The following PDILT variants were observed in gnomAD, a reference collection of about 807,000 sequenced individuals.
The protein encoded by PDILT is protein disulfide-isomerase-like protein of the testis.
A neutral mutation model predicts 53.7 loss-of-function variants in PDILT; 43 were observed. The ratio of observed to expected loss-of-function variants is 0.80; its 90% CI spans 0.63 to 1.03. The LOEUF (loss-of-function observed/expected upper bound fraction) is 1.03. Ranked by LOEUF, PDILT falls within the 50% of genes least tolerant of loss-of-function variation. PDILT has a pLI of 0.00. For synonymous variants in PDILT, 282 were observed against 274.2 expected (o/e 1.03, Z -0.28); for missense variants, 727 against 712.3 (o/e 1.02, Z -0.24).
intron 2 of PDILT, among the ~76,000 whole-genome samples, chr16:20,392,540 G>A (rs1290255864): frequency 6.6e-6 from 1 of 152,182 alleles, no homozygotes; most frequent in Non-Finnish European, 1.5e-5. Flanking sequence ...AGCTTTCATA[G>A]TGCTTTCCCC....
At chr16:20,396,318 C>A (rs1849385264) in intron 2 of PDILT, among the ~76,000 whole-genome samples, 2 of 152,200 alleles carry the variant, frequency 1.3e-5, no homozygotes, top group South Asian at 2.1e-4. Flanking sequence ...TTACACCAAA[C>A]CTTGATGTTG....
intron 3 of PDILT, among the ~76,000 whole-genome samples, chr16:20,380,055 A>C (rs1596589096): frequency 6.6e-6 from 1 of 152,204 alleles, no homozygotes; most frequent in Non-Finnish European, 1.5e-5. Flanking sequence ...AATATCCAAA[A>C]ACAAAACCTG....
At chr16:20,374,355 A>T (rs1007731436) in intron 5 of PDILT, among the ~76,000 whole-genome samples, 2 of 151,978 alleles carry the variant, frequency 1.3e-5, no homozygotes, top group Non-Finnish European at 2.9e-5. Context: ...GTTTAACTGG[A>T]TGGGAGAGGT....
Position 20,369,646 on chromosome 16 carries a change from C to A in PDILT, c.962G>T (p.Arg321Leu), listed in dbSNP as rs144503743. Reference sequence around the variant, plus strand: ...TGTGACCCGGAAGTACTTGAAGACACGTCCATTTCTGGGTTCGTCTGCATC... The same window carrying A: ...TGTGACCCGGAAGTACTTGAAGACAAGTCCATTTCTGGGTTCGTCTGCATC... ...LVDADEPRNG[R>L]VFKYFRVTEV... is the part of the protein sequence containing the mutation. Residue 321 changes from arginine (R) to leucine (L), a missense_variant, in exon 8 of 12, where the codon CGT becomes CTT. Coordinates refer to ENST00000302451, the MANE Select transcript of PDILT (RefSeq NM_174924.2). The A allele has an allele frequency of 6.2e-7, 1 of 1,614,080 alleles. No homozygotes were observed. The highest frequency in any genetic ancestry group is 1.7e-5 in the Admixed American group (1 of 60,002).
chr16:20,389,079 T>C (rs1211289025), intron 2 of PDILT, among the ~76,000 whole-genome samples: 1 of 152,190 alleles, frequency 6.6e-6, no homozygotes, highest in African/African-American at 2.4e-5. Context: ...ACAATTCACG[T>C]GTATATTGGC....
intron 10 of PDILT, among the ~76,000 whole-genome samples, 164 bp from the exon 11 acceptor site, chr16:20,360,821 G>C (rs1343441547): frequency 6.6e-6 from 1 of 152,192 alleles, no homozygotes; most frequent in Non-Finnish European, 1.5e-5. Flanking sequence ...CCAAGGGAAG[G>C]ATAATAAAAA....
rs372282174 is a variant in PDILT, at chr16:20,373,146, T to C, written c.682-24A>G. The C allele has an allele frequency of 2.2e-5, 34 of 1,577,232 alleles. No individual in the cohort carries two copies. The Middle Eastern group carries it at 6.7e-4, about 31-fold the overall frequency. On this transcript the variant is annotated intron_variant, in intron 5 of 11. Transcript: ENST00000302451. ...CCCTTGTACAAAAGGAGAAACATATTGGAGGACAGTAGCTTTCATGATATA... is the reference window on the plus strand; with the variant it reads ...CCCTTGTACAAAAGGAGAAACATATCGGAGGACAGTAGCTTTCATGATATA...
chr16:20,394,060 A>G (rs1966635137), intron 2 of PDILT, among the ~76,000 whole-genome samples: 2 of 152,142 alleles, frequency 1.3e-5, no homozygotes, highest in Non-Finnish European at 1.5e-5. Flanking sequence ...GTGAAAAAGG[A>G]GCCAGAGAGA....
rs751010728 is a variant in PDILT, at chr16:20,369,708, C to T, written c.919-19G>A. 3.7e-6 allele frequency: 6 copies of T among 1,612,682 alleles called. No individual in the cohort carries two copies. Among genetic ancestry groups the T allele is most frequent in the African/African-American group, 1.3e-5 (1 of 74,872 alleles). On this transcript the variant is annotated intron_variant, in intron 7 of 11. Coordinates refer to ENST00000302451, the MANE Select transcript of PDILT (RefSeq NM_174924.2). Reference sequence around the variant, plus strand: ...AAAGGATCTGCCAAAGAAAACAAAACCCTTGTCTCTCTGGATCCTTTGCCA... The same window carrying T: ...AAAGGATCTGCCAAAGAAAACAAAATCCTTGTCTCTCTGGATCCTTTGCCA...
chr16:20,394,868 G>T (rs1277869545), intron 2 of PDILT, among the ~76,000 whole-genome samples: 2 of 152,200 alleles, frequency 1.3e-5, no homozygotes, highest in African/African-American at 4.8e-5. Context: ...CTGAATGATT[G>T]TATGGAGCAG....
intron 3 of PDILT, among the ~76,000 whole-genome samples, chr16:20,379,266 CGGGTTCCA>C (rs2141604792): frequency 6.6e-6 from 1 of 152,218 alleles, no homozygotes; most frequent in Non-Finnish European, 1.5e-5. Context: ...CTCTGCCTCC[CGGGTTCCA>C]GTGATTCTCC....
intron 7 of PDILT, 129 bp from the exon 8 acceptor site, chr16:20,369,818 G>A (rs1209393700): frequency 1.1e-6 from 1 of 883,304 alleles, no homozygotes; most frequent in Non-Finnish European, 1.8e-6. Context: ...TGTAACAAAG[G>A]CAGGTGGAGC....
chr16:20,403,361 C>T (rs1966768678), intron 1 of PDILT, among the ~76,000 whole-genome samples: 1 of 152,194 alleles, frequency 6.6e-6, no homozygotes, highest in Non-Finnish European at 1.5e-5. Flanking sequence ...ATGATCTTGG[C>T]TCACTGCAGC....
At chr16:20,376,738 C>T (rs528860682) in intron 3 of PDILT, among the ~76,000 whole-genome samples, 1 of 152,296 alleles carries the variant, frequency 6.6e-6, no homozygotes, top group Middle Eastern at 3.4e-3. Flanking sequence ...TCCAAATGCC[C>T]TTTAAGGTCA....
At position 20,359,509 on chromosome 16, in the gene PDILT, TC is replaced by T; in HGVS notation, c.1564del (p.Glu522ArgfsTer4). 1.2e-6 allele frequency: 2 copies of T among 1,614,124 alleles called. No homozygotes were observed. The highest frequency in any genetic ancestry group is 2.2e-5 in the South Asian group (2 of 91,082). On this transcript the variant is annotated frameshift_variant, in exon 12 of 12. Coordinates refer to ENST00000302451, the MANE Select transcript of PDILT (RefSeq NM_174924.2). LOFTEE classifies it low-confidence loss of function (END_TRUNC). ...IEEEVLAEEK[E>X]VPMMRKGLPE... is the part of the protein sequence containing the mutation. ...TAACCCTTTCCTCATCATAGGCACC[TC>T]CTTTTCCTCAGCTAGCACTTCCTCT...
Position 20,360,566 on chromosome 16 carries a change from A to ACCTCAT in PDILT, c.1502_1506+1dup. ...ATTCAGAGTATTTCTGTTGCCCCTTACCTCATCCTCATCCTCAATCTTAGT... is the reference window on the plus strand; with the variant it reads ...ATTCAGAGTATTTCTGTTGCCCCTTACCTCATCCTCATCCTCATCCTCAATCTTAGT... On this transcript the variant is annotated splice_donor_variant, in intron 11 of 11. Coordinates refer to ENST00000302451, the MANE Select transcript of PDILT (RefSeq NM_174924.2). LOFTEE classifies it high-confidence loss of function. 2 of 1,611,176 alleles carry ACCTCAT rather than the reference A, an allele frequency of 1.2e-6. No individual in the cohort carries two copies. Among genetic ancestry groups the ACCTCAT allele is most frequent in the Non-Finnish European group, 1.7e-6 (2 of 1,177,320 alleles).
chr16:20,366,979 CCTTCCTTCCTTTCTTTCTTT>C (rs1567320420), intron 8 of PDILT, among the ~76,000 whole-genome samples: 3 of 41,234 alleles, frequency 7.3e-5, no homozygotes, highest in African/African-American at 2.1e-4. Flanking sequence ...TTCCTTCCTT[CCTTCCTTCCTTTCTTTCTTT>C]CTTTATTTAT....
Position 20,374,898 on chromosome 16 carries a change from G to C in PDILT, c.605C>G (p.Thr202Arg). The change falls in exon 5 of 12, where the codon ACG becomes AGG. Residue 202 changes from threonine (T) to arginine (R), a missense_variant. Transcript: ENST00000302451. ...ATTGCCAATCGTTATGACTCCAAACGTTAGCTCTGGAAAGTCTTTGATCAC... is the reference window on the plus strand; with the variant it reads ...ATTGCCAATCGTTATGACTCCAAACCTTAGCTCTGGAAAGTCTTTGATCAC... ...YDVIKDFPEL[T>R]FGVITIGNVI... 6.2e-7 allele frequency: 1 copy of C among 1,614,054 alleles called. No individual in the cohort carries two copies. Among genetic ancestry groups the C allele is most frequent in the Non-Finnish European group, 8.5e-7 (1 of 1,179,964 alleles).
chr16:20,360,435 T>C (rs1166126229), intron 11 of PDILT, 133 bp downstream of exon 11: 1 of 847,274 alleles, frequency 1.2e-6, no homozygotes, highest in African/African-American at 1.7e-5. Flanking sequence ...TCACCCAACC[T>C]GGATGCTTCT....
Sources: allele counts gnomAD v4.1 joint callset (sites outside exome capture counted in the v4.1 genomes callset), GRCh38; gene constraint gnomAD v4.1.1; transcripts MANE v1.5; gene names NCBI Gene and HGNC (gene_info 2026-07-23, HGNC 2026-07-21).